ARL6IP5: variants seen among roughly 807,000 people sequenced by gnomAD.
ARL6IP5 encodes ARF like GTPase 6 interacting protein 5, also known as PRA1 family protein 3.
In ARL6IP5, 6 loss-of-function variants were observed where a neutral mutation model predicts 13.0. The observed-to-expected ratio is 0.46, with a 90% CI of 0.25 to 0.91. ARL6IP5 has a LOEUF of 0.91. ARL6IP5 is among the 40% of genes least tolerant of loss of function. The pLI, the probability that ARL6IP5 is intolerant of heterozygous loss-of-function variation, is 0.17. For synonymous variants in ARL6IP5, 91 were observed against 91.9 expected (o/e 0.99, Z 0.06); for missense variants, 208 against 248.8 (o/e 0.84, Z 1.10).
intron 1 of ARL6IP5, among the ~76,000 whole-genome samples, chr3:69,089,529 G>T (rs1026185486): frequency 6.6e-6 from 1 of 151,652 alleles, no homozygotes; most frequent in African/African-American, 2.4e-5. Context: ...TCCTGGATGG[G>T]TATAGTGGCT....
intron 2 of ARL6IP5, chr3:69,102,353 T>A: frequency 2.6e-6 from 1 of 379,500 alleles, no homozygotes; most frequent in South Asian, 2.6e-5. Context: ...TCACCCACGC[T>A]GTGGTGTTAT....
intron 1 of ARL6IP5, among the ~76,000 whole-genome samples, chr3:69,094,161 GA>G (rs1230075470): frequency 6.6e-6 from 1 of 152,198 alleles, no homozygotes; most frequent in East Asian, 1.9e-4. Flanking sequence ...GCAATCAGGA[GA>G]TGGTGTGACA....
At chr3:69,095,501 TTC>T (rs1282309349) in intron 1 of ARL6IP5, among the ~76,000 whole-genome samples, 24 of 150,108 alleles carry the variant, frequency 1.6e-4, no homozygotes, top group African/African-American at 4.4e-4. Context: ...CCATCCCTCG[TTC>T]TTTTTTTTTT....
rs1439289687 is a variant in ARL6IP5 at position 69,084,978 on chromosome 3, C to T, written c.-70C>T. On this transcript the variant is annotated 5_prime_UTR_variant, in exon 1 of 3. Coordinates refer to ENST00000273258, the MANE Select transcript of ARL6IP5 (RefSeq NM_006407.4). Reference sequence around the variant, plus strand: ...CGGAGCCGCTGTCAACTCTCCAACTCAGCTCAGCTGATCGGTTGCCGCCGC... The same window carrying T: ...CGGAGCCGCTGTCAACTCTCCAACTTAGCTCAGCTGATCGGTTGCCGCCGC... 1 of 1,569,574 alleles carries T rather than the reference C, an allele frequency of 6.4e-7. No individual in the cohort carries two copies. Among genetic ancestry groups the T allele is most frequent in the African/African-American group, 1.3e-5 (1 of 74,350 alleles).
At chr3:69,102,168 A>G in intron 2 of ARL6IP5, 112 bp downstream of exon 2, 1 of 1,185,406 alleles carries the variant, frequency 8.4e-7, no homozygotes, top group South Asian at 1.4e-5. Flanking sequence ...CAAAAGTGTC[A>G]GAATTTTCTA....
Position 69,104,982 on chromosome 3 carries a change from C to T in ARL6IP5, c.*346C>T. The T allele has an allele frequency of 6.0e-6, 4 of 665,776 alleles. No individual in the cohort carries two copies. Among genetic ancestry groups the T allele is most frequent in the South Asian group, 5.0e-5 (3 of 60,074 alleles). 41.2% of individuals were successfully genotyped at this position (665,776 alleles called of 1,614,324 possible). A position where few individuals can be genotyped will look rare whatever the true frequency, so the allele number is the denominator to read the frequency against. On this transcript the variant is annotated 3_prime_UTR_variant, in exon 3 of 3. Transcript: ENST00000273258. ...GATTATCTTATAGGAAAAAAAAAATCATTGTAAAGTATCAAGACAATACGA... is the reference window on the plus strand; with the variant it reads ...GATTATCTTATAGGAAAAAAAAAATTATTGTAAAGTATCAAGACAATACGA...
chr3:69,093,625 T>C (rs2092276732), intron 1 of ARL6IP5, among the ~76,000 whole-genome samples: 1 of 151,424 alleles, frequency 6.6e-6, no homozygotes, highest in Non-Finnish European at 1.5e-5. Flanking sequence ...TAGCTGGGTG[T>C]GGTGGCGCAT....
intron 1 of ARL6IP5, 52 bp downstream of exon 1, chr3:69,085,275 G>T (rs987678042): frequency 1.9e-6 from 3 of 1,563,784 alleles, no homozygotes; most frequent in South Asian, 1.2e-5. Flanking sequence ...GCACGGAGGG[G>T]CCTCGGGGTG....
intron 2 of ARL6IP5, among the ~76,000 whole-genome samples, 163 bp from the exon 3 acceptor site, chr3:69,104,301 T>TA (rs11382914): frequency 0.017 from 2,632 of 152,286 alleles, 84 homozygotes; most frequent in African/African-American, 0.06. Flanking sequence ...GAGCTTTACA[T>TA]AAAGTCCAAG....
chr3:69,087,498 A>G (rs891646016), intron 1 of ARL6IP5, among the ~76,000 whole-genome samples: 4 of 151,610 alleles, frequency 2.6e-5, no homozygotes, highest in African/African-American at 7.3e-5. Context: ...AAAAAAGTCT[A>G]TTTTCTTCAG....
Position 69,104,773 on chromosome 3 carries a change from G to A in ARL6IP5, c.*137G>A, listed in dbSNP as rs1283935414. On this transcript the variant is annotated 3_prime_UTR_variant, in exon 3 of 3. Transcript: ENST00000273258. Reference sequence around the variant, plus strand: ...TATCTATGGCAGCATGCATGTATAGGCCGAACTATTATCAGCTCTGATGTT... The same window carrying A: ...TATCTATGGCAGCATGCATGTATAGACCGAACTATTATCAGCTCTGATGTT... The A allele has an allele frequency of 5.2e-6, 5 of 965,280 alleles. No individual in the cohort carries two copies. In the African/African-American group the frequency reaches 8.2e-5, roughly 16 times the overall value. The allele number at this position is 965,280 out of a possible 1,614,324, so 59.8% of individuals were successfully genotyped here.
At chr3:69,100,125 C>T (rs1575863424) in intron 1 of ARL6IP5, 1 of 152,206 alleles carries the variant, frequency 6.6e-6, no homozygotes, top group Non-Finnish European at 1.5e-5. Flanking sequence ...TGAGGTGCCA[C>T]CATGTTGGCC....
chr3:69,092,347 G>A (rs1021930603), intron 1 of ARL6IP5, among the ~76,000 whole-genome samples: 1 of 152,104 alleles, frequency 6.6e-6, no homozygotes, highest in Non-Finnish European at 1.5e-5. Context: ...GTTAGTGAGG[G>A]GTAAATAGAC....
intron 1 of ARL6IP5, among the ~76,000 whole-genome samples, chr3:69,092,847 A>C (rs1449422579): frequency 6.6e-6 from 1 of 151,014 alleles, no homozygotes; most frequent in Non-Finnish European, 1.5e-5. Flanking sequence ...ATTTTCTAAA[A>C]TCATTCAAGA....
intron 1 of ARL6IP5, among the ~76,000 whole-genome samples, chr3:69,085,752 G>C (rs1281147809): frequency 1.3e-5 from 2 of 152,070 alleles, no homozygotes. Flanking sequence ...CAAAAGGGGG[G>C]GTGTCTCCTG....
chr3:69,085,482 G>A (rs1276700472), intron 1 of ARL6IP5, among the ~76,000 whole-genome samples: 1 of 152,224 alleles, frequency 6.6e-6, no homozygotes, highest in African/African-American at 2.4e-5. Flanking sequence ...CAGCCGCAGG[G>A]AAGAAAAATG....
chr3:69,103,182 G>A lies in ARL6IP5; in HGVS notation c.394+1126G>A, dbSNP rs545075053. 2.2e-4 allele frequency among the ~76,000 whole-genome samples: 33 copies of A among 152,326 alleles called. No individual in the cohort carries two copies. In the South Asian group the frequency reaches 5.6e-3, roughly 26 times the overall value. ...TTTTGGAATTTTCTTCAGGTTTTCT[G>A]TAGGTGCTTAACGCTTAGTATTTCA... On this transcript the variant is annotated intron_variant, in intron 2 of 2. Coordinates refer to ENST00000273258, the MANE Select transcript of ARL6IP5 (RefSeq NM_006407.4).
intron 1 of ARL6IP5, among the ~76,000 whole-genome samples, chr3:69,087,948 C>G (rs959923598): frequency 6.6e-6 from 1 of 152,094 alleles, no homozygotes; most frequent in African/African-American, 2.4e-5. Context: ...TCTTTTCTTT[C>G]TTTATCATTT....
intron 1 of ARL6IP5, among the ~76,000 whole-genome samples, chr3:69,096,988 A>G (rs969762209): frequency 6.6e-6 from 1 of 152,116 alleles, no homozygotes; most frequent in Admixed American, 6.6e-5. Context: ...TTTTACATTC[A>G]GGAGCCTTTC....
Sources: gnomAD v4.1 joint callset for allele counts (sites outside exome capture counted in the v4.1 genomes callset) on GRCh38, gnomAD v4.1.1 for gene constraint, MANE v1.5 for transcripts, NCBI Gene and HGNC (gene_info 2026-07-23, HGNC 2026-07-21) for gene names.